Variants in RARB observed in about 807,000 individuals in gnomAD.
The protein encoded by RARB is HBV-activated protein.
Under a neutral mutation model 51.9 loss-of-function variants are expected in RARB, and 17 were observed. The observed-to-expected ratio is 0.33, with a 90% confidence interval of 0.22 to 0.49. The LOEUF is 0.49. RARB is among the 20% of genes least tolerant of loss of function. The probability of loss-of-function intolerance (pLI) is 0.99; values close to 1 mark genes in which losing one functional copy is unlikely to be tolerated. For synonymous variants in RARB, 215 were observed against 195.4 expected (o/e 1.10, Z -0.84); for missense variants, 369 against 550.8 (o/e 0.67, Z 3.30).
chr3:24,986,861 C>T (rs889304846), intron 2 of RARB, among the ~76,000 whole-genome samples: 1 of 152,086 alleles, frequency 6.6e-6, no homozygotes, highest in Non-Finnish European at 1.5e-5. Context: ...AGCAGAAAAG[C>T]GAACCTCAAC....
At chr3:24,939,378 T>C (rs1695611616) in intron 2 of RARB, among the ~76,000 whole-genome samples, 1 of 152,250 alleles carries the variant, frequency 6.6e-6, no homozygotes. Flanking sequence ...GTTTAACTTT[T>C]TGAGGAACTG....
intron 2 of RARB, chr3:25,020,576 C>T (rs999282021): frequency 1.3e-5 from 2 of 151,986 alleles, no homozygotes; most frequent in African/African-American, 4.8e-5. Context: ...TTTTAAATAC[C>T]TATGGTGGTC....
intron 2 of RARB, among the ~76,000 whole-genome samples, chr3:24,917,279 A>T (rs1695126470): frequency 6.6e-6 from 1 of 152,208 alleles, no homozygotes. Flanking sequence ...TTTAGATATG[A>T]CATGAAAAGC....
intron 2 of RARB, among the ~76,000 whole-genome samples, chr3:24,945,803 A>C (rs116835570): frequency 1.3e-5 from 2 of 152,310 alleles, no homozygotes; most frequent in East Asian, 3.9e-4. Flanking sequence ...ACTTCTCTCT[A>C]AAGTCAGTGA....
intron 5 of RARB, among the ~76,000 whole-genome samples, chr3:25,288,135 C>T (rs755847567): frequency 1.3e-5 from 2 of 152,044 alleles, no homozygotes; most frequent in Non-Finnish European, 2.9e-5. Context: ...GAAATTCAAG[C>T]TGCAAATACT....
intron 2 of RARB, among the ~76,000 whole-genome samples, chr3:25,043,721 C>A (rs1298605560): frequency 2.6e-5 from 4 of 152,038 alleles, no homozygotes; most frequent in Non-Finnish European, 4.4e-5. Flanking sequence ...CAAAGGTACC[C>A]TTAAGCATTT....
At chr3:24,953,902 G>A (rs1442387957) in intron 2 of RARB, among the ~76,000 whole-genome samples, 1 of 152,146 alleles carries the variant, frequency 6.6e-6, no homozygotes, top group East Asian at 1.9e-4. Flanking sequence ...GCAAAACAGT[G>A]GACACAGGAC....
chr3:25,409,578 A>G (rs1342291795), intron 5 of RARB, among the ~76,000 whole-genome samples: 2 of 152,192 alleles, frequency 1.3e-5, no homozygotes, highest in Admixed American at 6.5e-5. Context: ...AATATAGGCC[A>G]ATAATACATT....
intron 2 of RARB, among the ~76,000 whole-genome samples, chr3:24,891,408 C>T (rs1426155462): frequency 6.6e-6 from 1 of 152,154 alleles, no homozygotes; most frequent in Non-Finnish European, 1.5e-5. Context: ...AGTTTTCCAA[C>T]ATCTCCGAAA....
At chr3:25,553,478 A>G (rs1010316547) in intron 3 of RARB, among the ~76,000 whole-genome samples, 1 of 152,208 alleles carries the variant, frequency 6.6e-6, no homozygotes, top group Admixed American at 6.5e-5. Context: ...AGGTAATGCA[A>G]TGGCCTTGGA....
chr3:25,378,870 C>G (rs1706543813), intron 5 of RARB, among the ~76,000 whole-genome samples: 1 of 152,102 alleles, frequency 6.6e-6, no homozygotes, highest in African/African-American at 2.4e-5. Context: ...GGGAAGATAG[C>G]AGCTTGAGAG....
At chr3:24,989,556 C>T (rs1459382236) in intron 2 of RARB, among the ~76,000 whole-genome samples, 1 of 108,382 alleles carries the variant, frequency 9.2e-6, no homozygotes, top group African/African-American at 3.6e-5. Flanking sequence ...ATCATCTCCC[C>T]TTGATGTTTA....
intron 5 of RARB, among the ~76,000 whole-genome samples, chr3:25,370,526 C>A (rs772506321): frequency 6.6e-6 from 1 of 152,144 alleles, no homozygotes; most frequent in Non-Finnish European, 1.5e-5. Flanking sequence ...GGTGAAAATA[C>A]CCGCTTAAAT....
intron 2 of RARB, among the ~76,000 whole-genome samples, chr3:24,987,774 C>T (rs1398038447): frequency 1.3e-5 from 2 of 152,180 alleles, no homozygotes; most frequent in Admixed American, 6.5e-5. Context: ...CAACACAGAC[C>T]TCTTTCAGCC....
intron 5 of RARB, among the ~76,000 whole-genome samples, chr3:25,262,299 A>T (rs1216165068): frequency 6.6e-6 from 1 of 152,058 alleles, no homozygotes; most frequent in Non-Finnish European, 1.5e-5. Flanking sequence ...CTCCCAGAAG[A>T]TGCGCTCCTC....
At chr3:25,205,121 A>G (rs1216919841) in intron 5 of RARB, among the ~76,000 whole-genome samples, 2 of 152,116 alleles carry the variant, frequency 1.3e-5, no homozygotes, top group Non-Finnish European at 2.9e-5. Context: ...AGCCTCAGCA[A>G]TGGCGGGTGC....
Position 24,922,904 on chromosome 3 carries a change from T to C in RARB, c.-380+64152T>C, listed in dbSNP as rs114721159. Among the ~76,000 whole-genome samples, 291 of 152,230 alleles carry C rather than the reference T, an allele frequency of 1.9e-3. 1 individual carries two copies. Among genetic ancestry groups the C allele is most frequent in the African/African-American group, 6.1e-3 (255 of 41,550 alleles). On this transcript the variant is annotated intron_variant, in intron 2 of 11. Coordinates refer to the RARB transcript ENST00000383772. ...GTCAACTTGGCTAGGGATAATAAAATCTTGGGACAGCTAGAGAAGACTACA... is the reference window on the plus strand; with the variant it reads ...GTCAACTTGGCTAGGGATAATAAAACCTTGGGACAGCTAGAGAAGACTACA...
chr3:25,237,685 A>C (rs113995448), intron 5 of RARB, among the ~76,000 whole-genome samples: 1 of 152,088 alleles, frequency 6.6e-6, no homozygotes, highest in African/African-American at 2.4e-5. Context: ...TAATTCCAGA[A>C]CATGTTATAT....
chr3:25,259,064 T>G, intron 5 of RARB: 1 of 985,184 alleles, frequency 1.0e-6, no homozygotes. Context: ...TGAACATACT[T>G]CAGTATGAGA....
Sources: gnomAD v4.1 joint callset for allele counts (sites outside exome capture counted in the v4.1 genomes callset) on GRCh38, gnomAD v4.1.1 for gene constraint, MANE v1.5 for transcripts, NCBI Gene and HGNC (gene_info 2026-07-23, HGNC 2026-07-21) for gene names.